Variants in AKAP7 observed in about 807,000 individuals in gnomAD.
The protein encoded by AKAP7 is A kinase (PRKA) anchor protein 7.
In AKAP7, 39 loss-of-function variants were observed where a neutral mutation model predicts 39.5. That is an observed-to-expected ratio of 0.99 (90% CI 0.76 to 1.29). AKAP7 has a LOEUF of 1.29. AKAP7 is among the 50% of genes most tolerant of loss of function. The pLI is 0.00. For missense variants in AKAP7, 414 were observed against 407.7 expected (o/e 1.02, Z -0.13); for synonymous variants, 140 against 139.1 (o/e 1.01, Z -0.05).
At chr6:131,257,853 A>G (rs1450533001) in intron 7 of AKAP7, among the ~76,000 whole-genome samples, 4 of 152,126 alleles carry the variant, frequency 2.6e-5, no homozygotes, top group Non-Finnish European at 5.9e-5. Context: ...TGAAGCAGTA[A>G]ATCCTCCCTT....
upstream of AKAP7, among the ~76,000 whole-genome samples, chr6:131,130,536 T>A (rs1442607127): frequency 1.3e-5 from 2 of 152,226 alleles, no homozygotes; most frequent in African/African-American, 4.8e-5. Context: ...CCTCAGGTTG[T>A]CCACCCGCTT....
intron 6 of AKAP7, among the ~76,000 whole-genome samples, chr6:131,218,583 C>G (rs1809413005): frequency 6.6e-6 from 1 of 152,092 alleles, no homozygotes; most frequent in Admixed American, 6.5e-5. Flanking sequence ...AATATATATT[C>G]TAGTTACTTT....
At chr6:131,171,693 A>G (rs552405945) in intron 5 of AKAP7, among the ~76,000 whole-genome samples, 9 of 152,290 alleles carry the variant, frequency 5.9e-5, no homozygotes, top group African/African-American at 2.2e-4. Flanking sequence ...AGAAATTTGT[A>G]ATGGTACTAA....
At chr6:131,149,109 C>T (rs578139128) in intron 2 of AKAP7, among the ~76,000 whole-genome samples, 1 of 152,186 alleles carries the variant, frequency 6.6e-6, no homozygotes, top group Non-Finnish European at 1.5e-5. Context: ...TTGTCAGCTG[C>T]GTTGCCTTCA....
At chr6:131,195,691 T>A (rs750970440) in intron 5 of AKAP7, among the ~76,000 whole-genome samples, 5 of 152,226 alleles carry the variant, frequency 3.3e-5, no homozygotes, top group African/African-American at 4.8e-5. Context: ...CTTTCATGTT[T>A]GAAGGCTATT....
chr6:131,282,032 G>A lies in AKAP7; in HGVS notation c.*306G>A, dbSNP rs1277586644. On this transcript the variant is annotated 3_prime_UTR_variant, in exon 8 of 8. Coordinates refer to ENST00000431975, the MANE Select transcript of AKAP7 (RefSeq NM_016377.4). ...GCCTCCTGGACGCAAATTAAAGGCC[G>A]AGAAAGAGGCCTTGCCATCAATGGA... is the stretch of plus-strand genomic sequence containing the variant. The A allele has an allele frequency of 8.7e-6, 10 of 1,145,770 alleles. No homozygotes were observed. The highest frequency in any genetic ancestry group is 4.5e-5 in the East Asian group (1 of 22,376). The allele number at this position is 1,145,770 out of a possible 1,614,324, so 71.0% of individuals were successfully genotyped here.
chr6:131,222,937 G>C (rs1345071164), intron 7 of AKAP7, among the ~76,000 whole-genome samples: 1 of 152,100 alleles, frequency 6.6e-6, no homozygotes, highest in Non-Finnish European at 1.5e-5. Context: ...ACAACCACTC[G>C]AACCTCCAGC....
intron 6 of AKAP7, among the ~76,000 whole-genome samples, chr6:131,206,173 A>G (rs534586660): frequency 7.2e-5 from 11 of 152,338 alleles, no homozygotes; most frequent in African/African-American, 2.6e-4. Flanking sequence ...CGCCTAATGT[A>G]TAGATCAGTT....
rs115966795 is a variant in AKAP7 at position 131,260,729 on chromosome 6, A to T, written c.851-20801A>T. Among the ~76,000 whole-genome samples, 1,402 of 152,168 alleles carry T rather than the reference A, an allele frequency of 9.2e-3. 17 individuals are homozygous for T. Among genetic ancestry groups the T allele is most frequent in the African/African-American group, 0.03 (1,244 of 41,506 alleles). ...CCCTTGGTCAGATGGATAGATTGCAAAATTTCCTCCCATTCTTTAGGTTGT... is the reference window on the plus strand; with the variant it reads ...CCCTTGGTCAGATGGATAGATTGCATAATTTCCTCCCATTCTTTAGGTTGT... On this transcript the variant is annotated intron_variant, in intron 7 of 7. Transcript: ENST00000431975.
intron 7 of AKAP7, among the ~76,000 whole-genome samples, chr6:131,245,224 G>T (rs1811898388): frequency 6.6e-6 from 1 of 150,782 alleles, no homozygotes; most frequent in Admixed American, 6.6e-5. Context: ...ATTGTGGATT[G>T]ATTATTGAGA....
chr6:131,199,400 C>A, intron 5 of AKAP7, 61 bp from the exon 6 acceptor site: 4 of 1,115,280 alleles, frequency 3.6e-6, no homozygotes, highest in Non-Finnish European at 5.2e-6. Flanking sequence ...TTTTTTTTTA[C>A]AGTTAAAAAG....
chr6:131,159,425 T>G (rs1802741691), intron 2 of AKAP7, among the ~76,000 whole-genome samples: 1 of 152,122 alleles, frequency 6.6e-6, no homozygotes, highest in Non-Finnish European at 1.5e-5. Flanking sequence ...ATTTCCTGTT[T>G]GTTGCCAATG....
intron 5 of AKAP7, among the ~76,000 whole-genome samples, chr6:131,198,696 G>A (rs1170548737): frequency 6.6e-6 from 1 of 152,062 alleles, no homozygotes; most frequent in Non-Finnish European, 1.5e-5. Context: ...AGAAGGCCTT[G>A]GACACTCAAG....
In AKAP7 at chr6:131,135,751, A is replaced by T; in HGVS notation, c.-13A>T. 8.1e-7 allele frequency: 1 copy of T among 1,227,234 alleles called. No homozygotes were observed. The highest frequency in any genetic ancestry group is 1.0e-6 in the Non-Finnish European group (1 of 986,944). 76.0% of individuals were successfully genotyped at this position (1,227,234 alleles called of 1,614,324 possible). On this transcript the variant is annotated 5_prime_UTR_variant, in exon 1 of 8. The change abolishes an upstream ATG in the 5' untranslated region. Coordinates refer to ENST00000431975, the MANE Select transcript of AKAP7 (RefSeq NM_016377.4). ...CCGCCAGCCCAGACGCGCCGCCCGC[A>T]TGCGCCGCGACCATGGAGCGCCCCG...
chr6:131,186,841 G>T (rs750137633), intron 5 of AKAP7, among the ~76,000 whole-genome samples: 1 of 152,130 alleles, frequency 6.6e-6, no homozygotes, highest in East Asian at 1.9e-4. Context: ...GCTCCCAAAG[G>T]CCCCACCTCT....
intron 2 of AKAP7, among the ~76,000 whole-genome samples, chr6:131,149,927 T>G (rs1276325696): frequency 1.3e-5 from 2 of 152,170 alleles, no homozygotes; most frequent in Admixed American, 6.5e-5. Flanking sequence ...TGTGGAGAGT[T>G]TTAGTTTAAT....
intron 4 of AKAP7, among the ~76,000 whole-genome samples, chr6:131,166,132 C>A (rs148739522): frequency 1.3e-5 from 2 of 152,210 alleles, no homozygotes; most frequent in South Asian, 4.2e-4. Flanking sequence ...AACAGTAGAA[C>A]CTCATGTCTT....
At chr6:131,248,754 A>G (rs1283165655) in intron 7 of AKAP7, among the ~76,000 whole-genome samples, 1 of 152,102 alleles carries the variant, frequency 6.6e-6, no homozygotes, top group Non-Finnish European at 1.5e-5. Flanking sequence ...CAGGCCATTT[A>G]TTTGCTTTCT....
At chr6:131,178,087 G>C (rs1417437014) in intron 5 of AKAP7, among the ~76,000 whole-genome samples, 1 of 152,196 alleles carries the variant, frequency 6.6e-6, no homozygotes, top group Non-Finnish European at 1.5e-5. Flanking sequence ...GCTGTCATCT[G>C]AATATTTCCT....
Sources: allele counts gnomAD v4.1 joint callset (sites outside exome capture counted in the v4.1 genomes callset), GRCh38; gene constraint gnomAD v4.1.1; transcripts MANE v1.5; gene names NCBI Gene and HGNC (gene_info 2026-07-23, HGNC 2026-07-21).